Variants in GRB2 observed in about 807,000 individuals in gnomAD.
GRB2 encodes growth factor receptor bound protein 2, also known as growth factor receptor-bound protein 2.
A neutral mutation model predicts 27.4 loss-of-function variants in GRB2; 2 were observed. That is an observed-to-expected ratio of 0.07 (90% CI 0.03 to 0.23). GRB2 has a LOEUF of 0.23. Among genes scored for constraint, GRB2 ranks in the 10% least tolerant of loss-of-function variants. GRB2 has a pLI of 1.00. For synonymous variants in GRB2, 94 were observed against 99.6 expected, an observed-to-expected ratio of 0.94 and a Z score of 0.33; for missense variants, 102 against 282.4, an observed-to-expected ratio of 0.36 and a Z score of 4.58.
chr17:75,343,133 G>C (rs925517113), intron 2 of GRB2, among the ~76,000 whole-genome samples: 1 of 151,582 alleles, frequency 6.6e-6, no homozygotes, highest in Non-Finnish European at 1.5e-5. Context: ...AGGGATAAAG[G>C]GGGCTGGACC....
At chr17:75,325,824 C>A (rs868779229) in intron 4 of GRB2, 74 bp downstream of exon 4, 2 of 1,472,114 alleles carry the variant, frequency 1.4e-6, no homozygotes. Context: ...TGTAGCCAGG[C>A]ACCTGACCAA....
At chr17:75,339,270 T>C in intron 2 of GRB2, 1 of 572,298 alleles carries the variant, frequency 1.7e-6, no homozygotes, top group Non-Finnish European at 3.1e-6. Context: ...CTCGGCTCAC[T>C]GCAAGCTCCG....
intron 2 of GRB2, among the ~76,000 whole-genome samples, chr17:75,340,960 G>C (rs1207083967): frequency 1.3e-5 from 2 of 152,144 alleles, no homozygotes; most frequent in African/African-American, 4.8e-5. Flanking sequence ...GGAACACAGA[G>C]AGAACAGTTC....
rs1567859944 is a variant in GRB2 at position 75,337,896 on chromosome 17, TAC to T, written c.79-5101_79-5100del. On this transcript the variant is annotated intron_variant, in intron 2 of 5. Coordinates refer to ENST00000316804, the MANE Select transcript of GRB2 (RefSeq NM_002086.5). Reference sequence around the variant, plus strand: ...TTACTACTACTACTACTACTACTACTACTACTATTATTATTATTATTATTATT... The same window carrying T: ...TTACTACTACTACTACTACTACTACTTACTATTATTATTATTATTATTATT... Among the ~76,000 whole-genome samples, 1,054 of 128,920 alleles carry T rather than the reference TAC, an allele frequency of 8.2e-3. 15 individuals carry two copies. The highest frequency in any genetic ancestry group is 0.028 in the African/African-American group (917 of 32,356). 84.6% of individuals were successfully genotyped at this position (128,920 alleles called of 152,430 possible).
chr17:75,391,807 CAAAAAAA>C (rs60382091), intron 2 of GRB2, among the ~76,000 whole-genome samples: 337 of 121,750 alleles, frequency 2.8e-3, no homozygotes, highest in Admixed American at 5.2e-3. Context: ...GACTCCATCT[CAAAAAAA>C]AAAAAAAAAA....
At chr17:75,350,154 G>A (rs1211647401) in intron 2 of GRB2, among the ~76,000 whole-genome samples, 1 of 149,586 alleles carries the variant, frequency 6.7e-6, no homozygotes. Context: ...GCAGTTTAAG[G>A]CTATAGTGTG....
intron 2 of GRB2, among the ~76,000 whole-genome samples, chr17:75,369,733 C>T (rs1244315051): frequency 6.6e-6 from 1 of 150,788 alleles, no homozygotes; most frequent in African/African-American, 2.4e-5. Context: ...GGGGTGCATG[C>T]CTGTAGTCCC....
chr17:75,329,775 G>T (rs982603358), intron 3 of GRB2, among the ~76,000 whole-genome samples: 2 of 151,976 alleles, frequency 1.3e-5, no homozygotes, highest in African/African-American at 4.8e-5. Context: ...AGCTGTAGAC[G>T]CAGCAACTTA....
intron 2 of GRB2, among the ~76,000 whole-genome samples, chr17:75,366,729 C>CT (rs977851784): frequency 5.3e-5 from 8 of 152,012 alleles, no homozygotes; most frequent in Admixed American, 2.6e-4. Context: ...AGGATCACCT[C>CT]TGAGCCCAGG....
intron 3 of GRB2, among the ~76,000 whole-genome samples, chr17:75,330,791 A>G (rs939745201): frequency 6.6e-6 from 1 of 152,110 alleles, no homozygotes; most frequent in Non-Finnish European, 1.5e-5. Context: ...ATTTTCCAAT[A>G]TAATTCTTTA....
At chr17:75,322,189 A>G (rs1364223056) in intron 4 of GRB2, among the ~76,000 whole-genome samples, 1 of 152,176 alleles carries the variant, frequency 6.6e-6, no homozygotes, top group Non-Finnish European at 1.5e-5. Flanking sequence ...CCTGGCCAAC[A>G]TGGAGAAATC....
intron 2 of GRB2, among the ~76,000 whole-genome samples, chr17:75,386,597 C>T (rs2078965249): frequency 1.3e-5 from 2 of 152,208 alleles, no homozygotes; most frequent in Admixed American, 1.3e-4. Flanking sequence ...CTTTGGTAAT[C>T]TGACATACAA....
intron 2 of GRB2, among the ~76,000 whole-genome samples, chr17:75,338,044 C>A (rs2078593160): frequency 1.2e-5 from 1 of 84,294 alleles, no homozygotes; most frequent in Admixed American, 1.4e-4. Flanking sequence ...GATTCTCTGC[C>A]TCAGCCTCTC....
rs61757955 is a variant in GRB2, at chr17:75,318,086, A to G, written c.*2282T>C. 6,289 of 152,712 alleles carry G rather than the reference A, an allele frequency of 0.041. 218 individuals are homozygous for G. Among genetic ancestry groups the G allele is most frequent in the Non-Finnish European group, 0.057 (3,899 of 68,018 alleles). The allele number at this position is 152,712 out of a possible 1,614,324, so 9.5% of individuals were successfully genotyped here. On this transcript the variant is annotated 3_prime_UTR_variant, in exon 6 of 6. Coordinates refer to ENST00000316804, the MANE Select transcript of GRB2 (RefSeq NM_002086.5). Reference sequence around the variant, plus strand: ...AAAAAAGATACCAAGTGAAGAATTCATTGTGTATTTATTATTCACAGTTAA... The same window carrying G: ...AAAAAAGATACCAAGTGAAGAATTCGTTGTGTATTTATTATTCACAGTTAA...
intron 2 of GRB2, among the ~76,000 whole-genome samples, chr17:75,375,576 A>G (rs2145858445): frequency 1.3e-5 from 2 of 152,322 alleles, no homozygotes; most frequent in Non-Finnish European, 2.9e-5. Flanking sequence ...AGTATGTTCT[A>G]CAACTACAAT....
chr17:75,400,538 GATCTC>G (rs886960963), intron 1 of GRB2, among the ~76,000 whole-genome samples: 14 of 151,462 alleles, frequency 9.2e-5, no homozygotes, highest in African/African-American at 3.4e-4. Flanking sequence ...GCAGTGGTGT[GATCTC>G]ATCTCACTGT....
intron 2 of GRB2, among the ~76,000 whole-genome samples, chr17:75,368,178 G>A (rs535353888): frequency 6.7e-6 from 1 of 150,000 alleles, no homozygotes; most frequent in South Asian, 2.1e-4. Flanking sequence ...GCCTCCCAAA[G>A]TGCTGGGATT....
At chr17:75,370,446 C>G (rs2078848259) in intron 2 of GRB2, among the ~76,000 whole-genome samples, 1 of 152,210 alleles carries the variant, frequency 6.6e-6, no homozygotes, top group Non-Finnish European at 1.5e-5. Context: ...ACCTTCCAGG[C>G]TGGTACAGCT....
chr17:75,399,363 T>A (rs887961505), intron 1 of GRB2, among the ~76,000 whole-genome samples: 3 of 116,092 alleles, frequency 2.6e-5, no homozygotes, highest in African/African-American at 8.6e-5. Flanking sequence ...CTTGACAATC[T>A]TTTCTTTTTT....
Sources: allele counts gnomAD v4.1 joint callset (sites outside exome capture counted in the v4.1 genomes callset), GRCh38; gene constraint gnomAD v4.1.1; transcripts MANE v1.5; gene names NCBI Gene and HGNC (gene_info 2026-07-23, HGNC 2026-07-21).